SPON1: variants seen among roughly 807,000 people sequenced by gnomAD.
SPON1 encodes spondin 1.
Under a neutral mutation model 111.7 loss-of-function variants are expected in SPON1, and 52 were observed. The observed-to-expected ratio is 0.47, with a 90% CI of 0.37 to 0.59. The LOEUF is 0.59. Among genes scored for constraint, SPON1 ranks in the 20% least tolerant of loss-of-function variants. SPON1 has a pLI of 0.00. For synonymous variants in SPON1, 410 were observed against 395.8 expected (o/e 1.04, Z -0.43); for missense variants, 957 against 1,068.5 (o/e 0.90, Z 1.46).
intron 2 of SPON1, among the ~76,000 whole-genome samples, chr11:13,987,118 A>G (rs1187740524): frequency 6.6e-6 from 1 of 152,206 alleles, no homozygotes; most frequent in Non-Finnish European, 1.5e-5. Flanking sequence ...TTCTAGATCT[A>G]GATCTTTGAG....
At chr11:14,129,489 G>A (rs1429596240) in intron 5 of SPON1, among the ~76,000 whole-genome samples, 10 of 152,076 alleles carry the variant, frequency 6.6e-5, no homozygotes, top group Admixed American at 1.3e-4. Flanking sequence ...TTTTATCTGA[G>A]ACCACTTCAA....
intron 5 of SPON1, among the ~76,000 whole-genome samples, chr11:14,123,040 C>T (rs1165931058): frequency 3.3e-5 from 5 of 151,664 alleles, no homozygotes; most frequent in African/African-American, 1.2e-4. Context: ...AAGTGATCCT[C>T]CCACCTCAGC....
At chr11:14,075,459 G>A in intron 4 of SPON1, 41 bp downstream of exon 4, 1 of 1,399,038 alleles carries the variant, frequency 7.1e-7, no homozygotes, top group South Asian at 1.2e-5. Context: ...GCAGAGACAT[G>A]GAAGGCAGCT....
chr11:13,974,201 C>G (rs1848084941), intron 1 of SPON1, among the ~76,000 whole-genome samples: 1 of 152,212 alleles, frequency 6.6e-6, no homozygotes. Flanking sequence ...CTGTGACTAA[C>G]TTAATGTCCC....
At chr11:13,969,246 TGTGGTGTCTCATACCTGTAGACCCA>T (rs1848044086) in intron 1 of SPON1, among the ~76,000 whole-genome samples, 2 of 145,232 alleles carry the variant, frequency 1.4e-5, no homozygotes, top group Non-Finnish European at 3.0e-5. Flanking sequence ...ATTAGCTGGC[TGTGGTGTCTCATACCTGTAGACCCA>T]GCTACTCAGG....
At chr11:14,200,814 TAAAAAAAAAAAAAAAAAAAA>T (rs572814576) in intron 6 of SPON1, among the ~76,000 whole-genome samples, 1 of 79,360 alleles carries the variant, frequency 1.3e-5, no homozygotes, top group African/African-American at 5.7e-5. Context: ...GACCCTGTCT[TAAAAAAAAAAAAAAAAAAAA>T]AAAAAAAAAA....
At chr11:14,204,737 T>G (rs189833055) in intron 6 of SPON1, among the ~76,000 whole-genome samples, 2 of 152,122 alleles carry the variant, frequency 1.3e-5, no homozygotes, top group Admixed American at 1.3e-4. Flanking sequence ...CAGGCTGCAG[T>G]GCAGTGGCGC....
At chr11:13,983,056 C>T (rs566674247) in intron 2 of SPON1, 103 bp downstream of exon 2, 31 of 712,934 alleles carry the variant, frequency 4.3e-5, no homozygotes, top group Non-Finnish European at 6.7e-5. Context: ...GTCCCTTGAC[C>T]GTTGGCCAAC....
chr11:14,057,284 G>T (rs1554919267), intron 3 of SPON1, among the ~76,000 whole-genome samples: 2 of 152,200 alleles, frequency 1.3e-5, no homozygotes. Context: ...TCCTGCTAGA[G>T]ATGCATAACC....
At chr11:14,263,044 G>A (rs1332293233) in intron 15 of SPON1, 69 bp downstream of exon 15, 4 of 1,262,666 alleles carry the variant, frequency 3.2e-6, no homozygotes, top group South Asian at 1.5e-5. Context: ...GCTAAGTCTT[G>A]GACCTGTTTA....
rs1215724010 is a variant in SPON1 at position 14,262,733 on chromosome 11, A to T, written c.2018A>T (p.Glu673Val). 1.9e-6 allele frequency: 3 copies of T among 1,613,696 alleles called. No homozygotes were observed. The highest frequency in any genetic ancestry group is 2.5e-6 in the Non-Finnish European group (3 of 1,179,858). Residue 673 changes from glutamate to valine, a missense_variant, in exon 15 of 16, where the codon GAG (glutamate) becomes GTG (valine). Coordinates refer to ENST00000576479, the MANE Select transcript of SPON1 (RefSeq NM_006108.4). ...PECPIDCELT[E>V]WSQWSECNKS... ...CCAGCCATTGACTGTGAGCTCACCG[A>T]GTGGTCCCAGTGGTCGGAATGTAAC...
intron 3 of SPON1, among the ~76,000 whole-genome samples, chr11:14,054,981 G>C (rs1159581252): frequency 6.6e-6 from 1 of 152,156 alleles, no homozygotes; most frequent in Non-Finnish European, 1.5e-5. Context: ...TCCAGTCCAC[G>C]TTGCTTGGAG....
chr11:14,221,072 C>G (rs1451233934), intron 6 of SPON1, among the ~76,000 whole-genome samples: 5 of 152,204 alleles, frequency 3.3e-5, no homozygotes, highest in African/African-American at 1.2e-4. Flanking sequence ...TCGTTCTGAA[C>G]ATTTCTACTC....
intron 6 of SPON1, among the ~76,000 whole-genome samples, chr11:14,148,993 G>T (rs1348255136): frequency 6.6e-6 from 1 of 152,182 alleles, no homozygotes; most frequent in African/African-American, 2.4e-5. Context: ...GGTCCCTTAA[G>T]ATTATAATGG....
intron 6 of SPON1, among the ~76,000 whole-genome samples, chr11:14,207,515 GA>G (rs1564931238): frequency 6.6e-6 from 1 of 151,558 alleles, no homozygotes; most frequent in South Asian, 2.1e-4. Context: ...AAATTTACAA[GA>G]AAAAAACCAA....
At position 14,099,441 on chromosome 11, in the gene SPON1, T is replaced by G. The variant is rs977467086; in HGVS notation, c.676+19420T>G. Among the ~76,000 whole-genome samples, 22 of 151,934 alleles carry G rather than the reference T, an allele frequency of 1.4e-4. No homozygotes were observed. In the South Asian group the frequency reaches 3.9e-3, roughly 27 times the overall value. On this transcript the variant is annotated intron_variant, in intron 5 of 15. Coordinates refer to ENST00000576479, the MANE Select transcript of SPON1 (RefSeq NM_006108.4). ...TTAGTATGCTGATTTTCCCATTTTG[T>G]TTTTTGTTTTTATTAATAATAAATG...
chr11:14,128,002 C>T (rs1197548433), intron 5 of SPON1, among the ~76,000 whole-genome samples: 1 of 152,198 alleles, frequency 6.6e-6, no homozygotes, highest in Non-Finnish European at 1.5e-5. Flanking sequence ...CCCCATGATC[C>T]AATCACCTCT....
chr11:14,008,634 T>G (rs1554913425), intron 2 of SPON1, among the ~76,000 whole-genome samples: 1 of 152,174 alleles, frequency 6.6e-6, no homozygotes, highest in Non-Finnish European at 1.5e-5. Context: ...GCATCTTTCC[T>G]CACTTCTTCT....
In SPON1 at chr11:14,075,414, A is replaced by G; in HGVS notation, c.549A>G (p.Glu183=). 6.4e-7 allele frequency: 1 copy of G among 1,555,124 alleles called. No homozygotes were observed. Among genetic ancestry groups the G allele is most frequent in the South Asian group, 1.2e-5 (1 of 84,386 alleles). The change falls in exon 4 of 16, where the codon GAA becomes GAG. Residue 183 remains glutamate, a synonymous_variant. Transcript: ENST00000576479. The part of the protein sequence containing the change: ...DEGSLTKKLC[E]QDSTFDGVTD... ...GCTCTCTGACCAAGAAACTTTGTGA[A>G]CAAGGTAAGACCCTGTGGGTGGGGA...
Sources: gnomAD v4.1 joint callset for allele counts (sites outside exome capture counted in the v4.1 genomes callset) on GRCh38, gnomAD v4.1.1 for gene constraint, MANE v1.5 for transcripts, NCBI Gene and HGNC (gene_info 2026-07-23, HGNC 2026-07-21) for gene names.